The following SLF1 variants were observed in gnomAD, a reference collection of about 807,000 sequenced individuals.
SLF1 encodes SMC5-SMC6 complex localization factor protein 1.
SLF1 carries 105 observed loss-of-function variants against 123.0 expected under a neutral mutation model. The ratio of observed to expected loss-of-function variants is 0.85; its 90% CI spans 0.73 to 1.00. SLF1 has a LOEUF of 1.00. SLF1 is among the 50% of genes least tolerant of loss of function. The pLI is 0.00. For missense variants in SLF1, 1,239 were observed against 1,223.0 expected, an observed-to-expected ratio of 1.01 and a Z score of -0.20; for synonymous variants, 434 against 406.6, an observed-to-expected ratio of 1.07 and a Z score of -0.81.
At chr5:94,624,242 C>T (rs967577134) in intron 1 of SLF1, among the ~76,000 whole-genome samples, 10 of 152,092 alleles carry the variant, frequency 6.6e-5, no homozygotes, top group South Asian at 2.1e-4. Flanking sequence ...CCCTTTCCTC[C>T]GCATGTTTAA....
Position 94,653,368 on chromosome 5 carries a change from G to A in SLF1, c.979G>A (p.Glu327Lys). The A allele has an allele frequency of 1.3e-6, 2 of 1,526,330 alleles. No individual in the cohort carries two copies. The highest frequency in any genetic ancestry group is 2.5e-5 in the South Asian group (2 of 79,018). The allele number at this position is 1,526,330 out of a possible 1,614,324, so 94.5% of individuals were successfully genotyped here. A position where few individuals can be genotyped will look rare whatever the true frequency, so the allele number is the denominator to read the frequency against. ...GKESNCKKGV[E>K]HEKIKSTLRR... Reference sequence around the variant, plus strand: ...AGAAAGCAATTGCAAGAAAGGCGTTGAACATGAAAAAATAAAAAGTACCTT... The same window carrying A: ...AGAAAGCAATTGCAAGAAAGGCGTTAAACATGAAAAAATAAAAAGTACCTT... The change falls in exon 8 of 21, where the codon GAA (glutamate) becomes AAA (lysine). Residue 327 changes from glutamate to lysine, a missense_variant. By Grantham distance (56) the Glu-to-Lys change is moderately conservative. Transcript: ENST00000265140.
At chr5:94,671,738 T>C (rs1227376473) in intron 14 of SLF1, among the ~76,000 whole-genome samples, 1 of 151,684 alleles carries the variant, frequency 6.6e-6, no homozygotes, top group African/African-American at 2.4e-5. Context: ...CTAATATAAA[T>C]TACCTGTTGA....
chr5:94,638,977 A>G (rs981956982), intron 4 of SLF1, among the ~76,000 whole-genome samples: 2 of 151,898 alleles, frequency 1.3e-5, no homozygotes, highest in Non-Finnish European at 2.9e-5. Context: ...ATTGTTGACA[A>G]ATTGAATTAA....
intron 5 of SLF1, among the ~76,000 whole-genome samples, chr5:94,645,296 C>T (rs1393431062): frequency 6.6e-6 from 1 of 152,164 alleles, no homozygotes; most frequent in Admixed American, 6.5e-5. Flanking sequence ...GAAACCAGCC[C>T]TGTAGTTAGC....
chr5:94,688,783 T>C lies in SLF1; in HGVS notation c.2285+114T>C, dbSNP rs879498376. ...TACTGTCTGAATTATACTGATTAGA[T>C]CAAAACTCAATTTTAGATCTATTTG... On this transcript the variant is annotated intron_variant, in intron 17 of 20. Transcript: ENST00000265140. 17 of 1,146,552 alleles carry C rather than the reference T, an allele frequency of 1.5e-5. No individual in the cohort carries two copies. In the Admixed American group the frequency reaches 4.1e-4, roughly 27 times the overall value. The allele number at this position is 1,146,552 out of a possible 1,614,324, so 71.0% of individuals were successfully genotyped here.
chr5:94,644,566 C>G lies in SLF1; in HGVS notation c.594+1131C>G, dbSNP rs893402213. Among the ~76,000 whole-genome samples, 41 of 152,296 alleles carry G rather than the reference C, an allele frequency of 2.7e-4. No homozygotes were observed. In the Middle Eastern group the frequency reaches 0.014, roughly 51 times the overall value. ...GTGTCTTAAATAAGCTAAGCTACTC[C>G]TAACTCAGTGTCTTCTCAAAAGATA... is the stretch of plus-strand genomic sequence containing the variant. On this transcript the variant is annotated intron_variant, in intron 5 of 20. Transcript: ENST00000265140.
intron 9 of SLF1, among the ~76,000 whole-genome samples, chr5:94,656,350 A>G (rs983473032): frequency 6.6e-6 from 1 of 151,916 alleles, no homozygotes; most frequent in Non-Finnish European, 1.5e-5. Flanking sequence ...ACACTTGATC[A>G]TAGTGTACTG....
At chr5:94,654,946 A>T (rs998909209) in intron 9 of SLF1, among the ~76,000 whole-genome samples, 194 bp downstream of exon 9, 1 of 152,176 alleles carries the variant, frequency 6.6e-6, no homozygotes, top group African/African-American at 2.4e-5. Context: ...ATTCTGTGCT[A>T]TTTATACCTC....
chr5:94,623,909 C>T (rs906269480), intron 1 of SLF1, among the ~76,000 whole-genome samples: 1 of 152,032 alleles, frequency 6.6e-6, no homozygotes, highest in African/African-American at 2.4e-5. Flanking sequence ...TATAGTTTTC[C>T]TGTGTAACTG....
At chr5:94,674,143 T>A (rs976066339) in intron 14 of SLF1, among the ~76,000 whole-genome samples, 1 of 152,178 alleles carries the variant, frequency 6.6e-6, no homozygotes, top group African/African-American at 2.4e-5. Context: ...AGAAAATATT[T>A]CTTCATTATA....
intron 1 of SLF1, among the ~76,000 whole-genome samples, chr5:94,619,305 C>T (rs1006822905): frequency 2.6e-5 from 4 of 151,466 alleles, no homozygotes; most frequent in African/African-American, 9.7e-5. Flanking sequence ...TTTTAAACTG[C>T]TAAAACGGCA....
At position 94,679,292 on chromosome 5, in the gene SLF1, A is replaced by T. The variant is rs558375945; in HGVS notation, c.1975+337A>T. On this transcript the variant is annotated intron_variant, in intron 15 of 20. Transcript: ENST00000265140. ...AGACTTCCCCCCACATACATTTATT[A>T]TTCAAATATAATTATTTTACCTGGT... is the stretch of plus-strand genomic sequence containing the variant. Among the ~76,000 whole-genome samples, 61 of 152,280 alleles carry T rather than the reference A, an allele frequency of 4.0e-4. 1 individual carries two copies. In the South Asian group the frequency reaches 8.3e-3, roughly 21 times the overall value.
intron 7 of SLF1, 29 bp downstream of exon 7, chr5:94,651,874 A>G: frequency 8.4e-7 from 1 of 1,186,578 alleles, no homozygotes; most frequent in Non-Finnish European, 1.1e-6. Flanking sequence ...AAAATAATTT[A>G]TTTTTAATAT....
intron 11 of SLF1, among the ~76,000 whole-genome samples, chr5:94,665,458 G>C (rs1021035469): frequency 1.3e-5 from 2 of 151,764 alleles, no homozygotes; most frequent in African/African-American, 4.8e-5. Flanking sequence ...AAGAAACTTA[G>C]GCCAGCGTTA....
chr5:94,663,960 G>A, intron 11 of SLF1, 52 bp downstream of exon 11: 2 of 1,414,052 alleles, frequency 1.4e-6, no homozygotes, highest in Non-Finnish European at 1.9e-6. Context: ...ATGTTAAAAT[G>A]TGAACATTTT....
Position 94,688,513 on chromosome 5 carries a change from C to T in SLF1, c.2129C>T (p.Ser710Phe). ...EPLSLQKMVY[S>F]YLPALGKTGV... ...AATATTATTTTTCAACAGGTATATT[C>T]CTATTTACCAGCCTTGGGGAAAACT... The change falls in exon 17 of 21, where the codon TCC (serine) becomes TTC (phenylalanine). Residue 710 changes from serine (S) to phenylalanine (F), a missense_variant. By Grantham distance (155) the Ser-to-Phe change is radical (BLOSUM62 -2). Transcript: ENST00000265140. 1 of 1,613,498 alleles carries T rather than the reference C, an allele frequency of 6.2e-7. No individual in the cohort carries two copies. The highest frequency in any genetic ancestry group is 8.5e-7 in the Non-Finnish European group (1 of 1,179,692).
chr5:94,679,342 A>T (rs1185715275), intron 15 of SLF1, among the ~76,000 whole-genome samples: 1 of 152,170 alleles, frequency 6.6e-6, no homozygotes, highest in African/African-American at 2.4e-5. Context: ...CTGTAATCCC[A>T]ACCTACTTTG....
chr5:94,618,448 C>T (rs1791189945), upstream of SLF1: 1 of 152,578 alleles, frequency 6.6e-6, no homozygotes, highest in Admixed American at 6.5e-5. Context: ...GCACAGAGCC[C>T]CGGCCAGCCA....
intron 9 of SLF1, among the ~76,000 whole-genome samples, chr5:94,655,822 A>G (rs1410474675): frequency 1.3e-5 from 2 of 151,770 alleles, no homozygotes; most frequent in Non-Finnish European, 2.9e-5. Context: ...TACTGAATTC[A>G]TTTATCAGTT....
Sources: allele counts gnomAD v4.1 joint callset (sites outside exome capture counted in the v4.1 genomes callset), GRCh38; gene constraint gnomAD v4.1.1; transcripts MANE v1.5; gene names NCBI Gene and HGNC (gene_info 2026-07-23, HGNC 2026-07-21).